The following KIF4A variants were observed in gnomAD, a reference collection of about 807,000 sequenced individuals.
KIF4A encodes chromosome-associated kinesin KIF4A.
A neutral mutation model predicts 105.9 loss-of-function variants in KIF4A; 7 were observed. That is an observed-to-expected ratio of 0.07 (90% confidence interval 0.04 to 0.12). The LOEUF is 0.12. KIF4A is among the 10% of genes least tolerant of loss of function. The pLI, the probability that KIF4A is intolerant of heterozygous loss-of-function variation, is 1.00. For synonymous variants in KIF4A, 281 were observed against 331.3 expected, an observed-to-expected ratio of 0.85 and a Z score of 1.65; for missense variants, 558 against 929.2, an observed-to-expected ratio of 0.60 and a Z score of 5.19.
Position 70,420,286 on chromosome X carries a change from C to A in KIF4A, c.*21C>A. 2.5e-6 allele frequency: 3 copies of A among 1,183,410 alleles called. 1 individual carries two copies. The highest frequency in any genetic ancestry group is 3.9e-5 in the South Asian group (2 of 51,525). ...ACTGAAGTTGGAGTCATCATCTCTA[C>A]CCCCAGTCTGGCTTGGGAGATGCTT... is the stretch of plus-strand genomic sequence containing the variant. On this transcript the variant is annotated 3_prime_UTR_variant, in exon 31 of 31. Coordinates refer to ENST00000374403, the MANE Select transcript of KIF4A (RefSeq NM_012310.5).
At chrX:70,355,911 T>C (rs2086049224) in intron 15 of KIF4A, among the ~76,000 whole-genome samples, 1 of 111,885 alleles carries the variant, frequency 8.9e-6, no homozygotes, top group Non-Finnish European at 1.9e-5. Context: ...TTTCACCACT[T>C]TTTCCCCCTA....
chrX:70,393,794 CTTTTCTCTT>C (rs1313084109), intron 20 of KIF4A, among the ~76,000 whole-genome samples: 2 of 79,862 alleles, frequency 2.5e-5, no homozygotes, highest in Admixed American at 1.4e-4. Context: ...CTTTTCTTTT[CTTTTCTCTT>C]TCTTTCTTTC....
At chrX:70,409,871 T>C (rs5980931) in intron 28 of KIF4A, among the ~76,000 whole-genome samples, 9,661 of 108,382 alleles carry the variant, frequency 0.089, 369 homozygotes, top group African/African-American at 0.12. Flanking sequence ...AAATATGAGG[T>C]GAATACAGGT....
At chrX:70,368,340 T>C (rs2086114444) in intron 15 of KIF4A, among the ~76,000 whole-genome samples, 1 of 112,260 alleles carries the variant, frequency 8.9e-6, no homozygotes, top group African/African-American at 3.2e-5. Context: ...GTTAGAATTT[T>C]CAGTTTTTCT....
intron 5 of KIF4A, among the ~76,000 whole-genome samples, chrX:70,300,027 G>T (rs2085798698): frequency 9.0e-6 from 1 of 111,493 alleles, no homozygotes. Context: ...GAGGCTGGAG[G>T]TAGATGAGGC....
intron 30 of KIF4A, 40 bp downstream of exon 30, chrX:70,419,823 G>A (rs1295980034): frequency 5.8e-6 from 7 of 1,207,772 alleles, no homozygotes; most frequent in Middle Eastern, 2.3e-4. Context: ...AACTGGATTA[G>A]CGTCCTTCTC....
At chrX:70,405,752 A>G in intron 25 of KIF4A, 76 bp from the exon 26 acceptor site, 2 of 724,757 alleles carry the variant, frequency 2.8e-6, no homozygotes, top group South Asian at 2.2e-5. Context: ...GTATGTTTTC[A>G]TCTATGTGAG....
In KIF4A at chrX:70,375,144, T is replaced by C. The variant is rs752029780; in HGVS notation, c.1779-60T>C. On this transcript the variant is annotated intron_variant, in intron 16 of 30. Transcript: ENST00000374403. ...TTGTAACTCTGGGAGTCTAGTATTA[T>C]GTCTTTTGAAGTCAGGCTTTGCTGC... The C allele has an allele frequency of 6.0e-6, 7 of 1,164,232 alleles. No individual in the cohort carries two copies. The African/African-American group carries it at 7.1e-5, about 12-fold the overall frequency.
At chrX:70,364,084 G>T (rs1162772660) in intron 15 of KIF4A, among the ~76,000 whole-genome samples, 1 of 112,035 alleles carries the variant, frequency 8.9e-6, no homozygotes, top group Admixed American at 9.5e-5. Context: ...TGTTGATGGG[G>T]TTGTTTGTTT....
chrX:70,314,960 G>A (rs961470058), intron 7 of KIF4A, among the ~76,000 whole-genome samples: 42 of 111,518 alleles, frequency 3.8e-4, no homozygotes, highest in African/African-American at 1.3e-3. Flanking sequence ...AGGACAGGTT[G>A]TATCAAACTA....
rs758019686 is a variant in KIF4A, at chrX:70,324,698, GA to G, written c.779-4697del. Among the ~76,000 whole-genome samples the G allele has an allele frequency of 9.2e-4, 95 of 103,021 alleles. 1 individual carries two copies. Among genetic ancestry groups the G allele is most frequent in the Non-Finnish European group, 1.6e-3 (78 of 49,939 alleles). 89.5% of individuals were successfully genotyped at this position (103,021 alleles called of 115,157 possible). A position where few individuals can be genotyped will look rare whatever the true frequency, so the allele number is the denominator to read the frequency against. ...TGCATTCTAGTAAATAAAATCATTT[GA>G]AAAAAAAAAGAATGGTAAAGGGTTT... On this transcript the variant is annotated intron_variant, in intron 7 of 30. Coordinates refer to ENST00000374403, the MANE Select transcript of KIF4A (RefSeq NM_012310.5).
chrX:70,402,670 G>A lies in KIF4A; in HGVS notation c.2594G>A (p.Cys865Tyr), dbSNP rs2086286591. Reference sequence around the variant, plus strand: ...ATTGCCACCATTCTGGAAGCCAAGTGTGCCCTGAAATATTTGATTGGAGAG... The same window carrying A: ...ATTGCCACCATTCTGGAAGCCAAGTATGCCCTGAAATATTTGATTGGAGAG... ...ENIATILEAK[C>Y]ALKYLIGELV... Residue 865 changes from cysteine to tyrosine, a missense_variant, in exon 23 of 31, where the codon TGT (cysteine) becomes TAT (tyrosine). By Grantham distance (194) the Cys-to-Tyr change is radical. Coordinates refer to ENST00000374403, the MANE Select transcript of KIF4A (RefSeq NM_012310.5). The A allele has an allele frequency of 1.7e-6, 2 of 1,210,621 alleles. No individual in the cohort carries two copies. Among genetic ancestry groups the A allele is most frequent in the Non-Finnish European group, 2.2e-6 (2 of 894,868 alleles).
At chrX:70,345,697 C>T (rs1297471002) in intron 13 of KIF4A, among the ~76,000 whole-genome samples, 1 of 111,304 alleles carries the variant, frequency 9.0e-6, no homozygotes, top group Non-Finnish European at 1.9e-5. Flanking sequence ...CAGGAATATA[C>T]TGATGCAATC....
chrX:70,389,292 C>T (rs1175164733), intron 20 of KIF4A, among the ~76,000 whole-genome samples: 1 of 104,323 alleles, frequency 9.6e-6, no homozygotes, highest in Non-Finnish European at 2.0e-5. Context: ...TCTGGCCAGG[C>T]TCAGTGGCTC....
At position 70,420,458 on chromosome X, in the gene KIF4A, T is replaced by C; in HGVS notation, c.*193T>C. The C allele has an allele frequency of 3.6e-6, 2 of 554,786 alleles. No homozygotes were observed. Among genetic ancestry groups the C allele is most frequent in the South Asian group, 4.1e-5 (1 of 24,498 alleles). The allele number at this position is 554,786 out of a possible 1,213,427, so 45.7% of individuals were successfully genotyped here. ...CCTCCAGGTCCAGACTACTACTCTA[T>C]GTTCTCCAGAAGGGTGCTAAGTCAC... is the stretch of plus-strand genomic sequence containing the variant. On this transcript the variant is annotated 3_prime_UTR_variant, in exon 31 of 31. Coordinates refer to ENST00000374403, the MANE Select transcript of KIF4A (RefSeq NM_012310.5).
Position 70,376,194 on chromosome X carries a change from T to C in KIF4A, c.2018T>C (p.Ile673Thr). Reference protein sequence around the residue: ...QWKQKKDKEVIQLKERDRKRQ... With the variant: ...QWKQKKDKEVTQLKERDRKRQ... ...AAGCAGAAAAAAGACAAAGAAGTAATACAGTTAAAAGAACGAGTAAGTAAC... is the reference window on the plus strand; with the variant it reads ...AAGCAGAAAAAAGACAAAGAAGTAACACAGTTAAAAGAACGAGTAAGTAAC... The change falls in exon 18 of 31, where the codon ATA becomes ACA. Residue 673 changes from isoleucine to threonine, a missense_variant. Ile to Thr is a moderately conservative substitution (Grantham distance 89, BLOSUM62 -1). Coordinates refer to ENST00000374403, the MANE Select transcript of KIF4A (RefSeq NM_012310.5). 1.7e-6 allele frequency: 2 copies of C among 1,177,232 alleles called. No individual in the cohort carries two copies. The highest frequency in any genetic ancestry group is 2.3e-6 in the Non-Finnish European group (2 of 865,143).
intron 4 of KIF4A, 62 bp downstream of exon 4, chrX:70,297,250 C>A: frequency 9.9e-7 from 1 of 1,014,939 alleles, no homozygotes; most frequent in Non-Finnish European, 1.3e-6. Context: ...AAAATAAATC[C>A]AAATCAGGTT....
At chrX:70,360,272 C>T (rs2086069588) in intron 15 of KIF4A, among the ~76,000 whole-genome samples, 1 of 112,749 alleles carries the variant, frequency 8.9e-6, no homozygotes, top group South Asian at 3.7e-4. Context: ...GTTCACCTCC[C>T]TGTGCCTTGC....
At chrX:70,387,502 T>C (rs1003958918) in intron 20 of KIF4A, among the ~76,000 whole-genome samples, 2 of 111,847 alleles carry the variant, frequency 1.8e-5, no homozygotes, top group Non-Finnish European at 3.8e-5. Flanking sequence ...TTTGCCCCTA[T>C]TGAGGTTCAG....
Sources: allele counts gnomAD v4.1 joint callset (sites outside exome capture counted in the v4.1 genomes callset), GRCh38; gene constraint gnomAD v4.1.1; transcripts MANE v1.5; gene names NCBI Gene and HGNC (gene_info 2026-07-23, HGNC 2026-07-21).